FAT3: variants seen among roughly 807,000 people sequenced by gnomAD.
The protein encoded by FAT3 is FAT atypical cadherin 3.
A neutral mutation model predicts 310.2 loss-of-function variants in FAT3; 95 were observed. That is an observed-to-expected ratio of 0.31 (90% confidence interval 0.26 to 0.36). The LOEUF is 0.36. Ranked by LOEUF, FAT3 falls within the 10% of genes least tolerant of loss-of-function variation. The probability of loss-of-function intolerance (pLI) is 1.00; values close to 1 mark genes in which losing one functional copy is unlikely to be tolerated. For synonymous variants in FAT3, 2,314 were observed against 2,192.9 expected (o/e 1.06, Z -1.54); for missense variants, 5,408 against 5,715.6 (o/e 0.95, Z 1.74).
intron 1 of FAT3, among the ~76,000 whole-genome samples, chr11:92,248,755 T>A (rs201501101): frequency 1.1e-5 from 1 of 92,256 alleles, no homozygotes; most frequent in Non-Finnish European, 2.4e-5. Flanking sequence ...AATGACACAC[T>A]CACATGTATT....
At position 92,354,270 on chromosome 11, in the gene FAT3, A is replaced by G; in HGVS notation, c.2158A>G (p.Arg720Gly). The change falls in exon 2 of 28, where the codon AGA (arginine) becomes GGA (glycine). Residue 720 changes from arginine (R) to glycine (G), a missense_variant. Physicochemically the swap from Arg to Gly is moderately radical, Grantham distance 125. Coordinates refer to ENST00000525166, the MANE Select transcript of FAT3 (RefSeq NM_001367949.2). ...ATTTCTTGACTTTTATTCAATTAAT[A>G]GACAGGGACCATATTTTGACAAGTC... ...DGFLDFYSINRQGPYFDKSFP... is the reference protein window; with the variant it reads ...DGFLDFYSINGQGPYFDKSFP... 2 of 1,613,762 alleles carry G rather than the reference A, an allele frequency of 1.2e-6. No individual in the cohort carries two copies. The highest frequency in any genetic ancestry group is 1.7e-6 in the Non-Finnish European group (2 of 1,179,858).
chr11:92,698,941 G>C (rs1944017708), intron 4 of FAT3, among the ~76,000 whole-genome samples: 1 of 152,310 alleles, frequency 6.6e-6, no homozygotes, highest in African/African-American at 2.4e-5. Context: ...TTATGGCCCA[G>C]TCCCTTGCAA....
At chr11:92,795,035 A>C (rs1448325523) in intron 9 of FAT3, among the ~76,000 whole-genome samples, 1 of 152,178 alleles carries the variant, frequency 6.6e-6, no homozygotes, top group East Asian at 1.9e-4. Context: ...GTGGGCTATA[A>C]ATTTCCTGTC....
intron 1 of FAT3, among the ~76,000 whole-genome samples, chr11:92,314,070 T>C (rs953511789): frequency 4.6e-5 from 7 of 152,254 alleles, no homozygotes; most frequent in Non-Finnish European, 7.3e-5. Flanking sequence ...TTTCTCCTAC[T>C]GTATATTTTT....
chr11:92,341,514 A>G (rs1339430873), intron 1 of FAT3, among the ~76,000 whole-genome samples: 1 of 152,220 alleles, frequency 6.6e-6, no homozygotes, highest in Non-Finnish European at 1.5e-5. Context: ...TTGTTTGCTA[A>G]GACACAGTTT....
At chr11:92,856,676 G>A (rs1057181709) in intron 19 of FAT3, among the ~76,000 whole-genome samples, 1 of 152,146 alleles carries the variant, frequency 6.6e-6, no homozygotes, top group African/African-American at 2.4e-5. Flanking sequence ...TAGTAGAAGG[G>A]ATTAGGAAAC....
intron 2 of FAT3, among the ~76,000 whole-genome samples, chr11:92,447,874 A>C (rs1436266345): frequency 6.6e-6 from 1 of 151,872 alleles, no homozygotes; most frequent in Non-Finnish European, 1.5e-5. Context: ...CTTTCTTTGC[A>C]GAAGGGTAGA....
intron 1 of FAT3, among the ~76,000 whole-genome samples, chr11:92,314,788 CT>C (rs1407764118): frequency 6.6e-6 from 1 of 152,166 alleles, no homozygotes; most frequent in Non-Finnish European, 1.5e-5. Flanking sequence ...CAGGGCCAAG[CT>C]TTTTTACCCT....
At chr11:92,770,253 AAGAAGCCTAGAAAC>A (rs1372807981) in intron 6 of FAT3, among the ~76,000 whole-genome samples, 3 of 152,186 alleles carry the variant, frequency 2.0e-5, no homozygotes, top group African/African-American at 7.2e-5. Context: ...GGAAAATAAG[AAGAAGCCTAGAAAC>A]ACTTCATATA....
intron 5 of FAT3, among the ~76,000 whole-genome samples, chr11:92,763,004 A>G (rs1407279971): frequency 2.6e-5 from 4 of 151,998 alleles, no homozygotes; most frequent in Admixed American, 2.6e-4. Flanking sequence ...CCAAAAATAT[A>G]AAAAATTAGC....
intron 2 of FAT3, among the ~76,000 whole-genome samples, chr11:92,485,153 C>T (rs558248032): frequency 2.0e-5 from 3 of 152,234 alleles, no homozygotes; most frequent in East Asian, 1.9e-4. Flanking sequence ...TGGCATGTGC[C>T]GTGGTAGACA....
intron 8 of FAT3, among the ~76,000 whole-genome samples, chr11:92,791,932 T>C (rs1466245985): frequency 6.6e-6 from 1 of 152,218 alleles, no homozygotes; most frequent in Non-Finnish European, 1.5e-5. Flanking sequence ...GACAAATGGT[T>C]GTGTAAAGTG....
chr11:92,653,628 C>A (rs1942468056), intron 3 of FAT3, among the ~76,000 whole-genome samples: 1 of 152,134 alleles, frequency 6.6e-6, no homozygotes, highest in South Asian at 2.1e-4. Flanking sequence ...TATTAAGAGA[C>A]AATGGGGTTT....
chr11:92,282,524 G>C (rs1459282175), intron 1 of FAT3, among the ~76,000 whole-genome samples: 2 of 152,018 alleles, frequency 1.3e-5, no homozygotes. Flanking sequence ...AATCAGCTGG[G>C]TGTGGTGGAG....
In FAT3 at chr11:92,492,083, G is replaced by T. The variant is rs149406397; in HGVS notation, c.3293-32551G>T. Reference sequence around the variant, plus strand: ...GTTCTTATGCAGTAATTGCTCTCCAGCCAAAGCAATTTGCTAGACCTAGGT... The same window carrying T: ...GTTCTTATGCAGTAATTGCTCTCCATCCAAAGCAATTTGCTAGACCTAGGT... On this transcript the variant is annotated intron_variant, in intron 2 of 27. Coordinates refer to ENST00000525166, the MANE Select transcript of FAT3 (RefSeq NM_001367949.2). 1.1e-3 allele frequency among the ~76,000 whole-genome samples: 165 copies of T among 152,174 alleles called. 1 individual carries two copies. Among genetic ancestry groups the T allele is most frequent in the African/African-American group, 3.8e-3 (156 of 41,530 alleles).
intron 1 of FAT3, among the ~76,000 whole-genome samples, chr11:92,263,956 G>A (rs950806120): frequency 6.6e-6 from 1 of 152,100 alleles, no homozygotes; most frequent in South Asian, 2.1e-4. Context: ...AGTGCTCTGA[G>A]AAGTGCTATA....
At chr11:92,417,911 C>T (rs1950450897) in intron 2 of FAT3, among the ~76,000 whole-genome samples, 1 of 152,092 alleles carries the variant, frequency 6.6e-6, no homozygotes, top group African/African-American at 2.4e-5. Flanking sequence ...TAGGAGAGGA[C>T]AATAGCAGTA....
At chr11:92,647,046 A>G (rs1239347167) in intron 3 of FAT3, among the ~76,000 whole-genome samples, 1 of 152,024 alleles carries the variant, frequency 6.6e-6, no homozygotes, top group Non-Finnish European at 1.5e-5. Context: ...TCTTTTACCC[A>G]TTGGCTTTTA....
intron 2 of FAT3, among the ~76,000 whole-genome samples, chr11:92,441,814 C>G (rs1300651870): frequency 2.6e-5 from 4 of 151,928 alleles, no homozygotes; most frequent in Non-Finnish European, 5.9e-5. Flanking sequence ...GATTCAGGCA[C>G]TACAGGGAAG....
Sources: allele counts gnomAD v4.1 joint callset (sites outside exome capture counted in the v4.1 genomes callset), GRCh38; gene constraint gnomAD v4.1.1; transcripts MANE v1.5; gene names NCBI Gene and HGNC (gene_info 2026-07-23, HGNC 2026-07-21).